The following ADGRV1 variants were observed in gnomAD, a reference collection of about 807,000 sequenced individuals.
The protein encoded by ADGRV1 is adhesion G protein-coupled receptor V1.
A neutral mutation model predicts 596.2 loss-of-function variants in ADGRV1; 359 were observed. The ratio of observed to expected loss-of-function variants is 0.60; its 90% CI spans 0.55 to 0.66. ADGRV1 has a LOEUF of 0.66. ADGRV1 is among the 30% of genes least tolerant of loss of function. ADGRV1 has a pLI of 0.00. For synonymous variants in ADGRV1, 2,681 were observed against 2,679.2 expected (o/e 1.00, Z -0.02); for missense variants, 7,274 against 7,575.6 (o/e 0.96, Z 1.48).
chr5:90,689,464 A>G (rs1746176013), intron 29 of ADGRV1, among the ~76,000 whole-genome samples: 1 of 150,874 alleles, frequency 6.6e-6, no homozygotes, highest in African/African-American at 2.4e-5. Flanking sequence ...ATATCTGTGC[A>G]GTGGTATAAT....
intron 88 of ADGRV1, among the ~76,000 whole-genome samples, chr5:91,152,093 G>A (rs1201747698): frequency 6.6e-6 from 1 of 152,210 alleles, no homozygotes; most frequent in Non-Finnish European, 1.5e-5. Flanking sequence ...TCACTTGGGT[G>A]TTGTGCAACA....
intron 83 of ADGRV1, among the ~76,000 whole-genome samples, chr5:90,877,259 T>C (rs1769304277): frequency 6.6e-6 from 1 of 152,052 alleles, no homozygotes; most frequent in Non-Finnish European, 1.5e-5. Flanking sequence ...GATTATGTTC[T>C]GTTTAGTTTG....
chr5:90,888,976 A>G (rs1364379585), intron 83 of ADGRV1, among the ~76,000 whole-genome samples: 1 of 152,142 alleles, frequency 6.6e-6, no homozygotes, highest in Non-Finnish European at 1.5e-5. Flanking sequence ...AATGCTGACT[A>G]TCAAATCTTG....
intron 85 of ADGRV1, among the ~76,000 whole-genome samples, chr5:91,035,493 A>T (rs1158737644): frequency 1.3e-5 from 2 of 152,160 alleles, no homozygotes; most frequent in Non-Finnish European, 2.9e-5. Flanking sequence ...CTTTGATATT[A>T]CTAACTTAGG....
intron 85 of ADGRV1, among the ~76,000 whole-genome samples, chr5:91,031,839 G>A (rs112725642): frequency 0.015 from 2,239 of 152,016 alleles, 51 homozygotes; most frequent in African/African-American, 0.051. Context: ...TAACTAATTG[G>A]GTTTCTTTTT....
chr5:90,694,308 G>A lies in ADGRV1; in HGVS notation c.7552G>A (p.Glu2518Lys). The A allele has an allele frequency of 3.7e-6, 6 of 1,613,956 alleles. No homozygotes were observed. Among genetic ancestry groups the A allele is most frequent in the Non-Finnish European group, 5.1e-6 (6 of 1,179,870 alleles). The change falls in exon 33 of 90, where the codon GAA becomes AAA. Residue 2518 changes from glutamate to lysine, a missense_variant. Glu to Lys is a moderately conservative substitution (Grantham distance 56). Around this residue, in one of 5 missense-constraint regions of ADGRV1, gnomAD observed 3,643 missense variants for 3,809.2 expected, o/e 0.96. Coordinates refer to ENST00000405460, the MANE Select transcript of ADGRV1 (RefSeq NM_032119.4). ...RQWAIMQEGD[E>K]FANLTVSILP... Reference sequence around the variant, plus strand: ...ATGGGCCATAATGCAGGAAGGTGATGAATTCGCAAATCTCACAGTGTCTAT... The same window carrying A: ...ATGGGCCATAATGCAGGAAGGTGATAAATTCGCAAATCTCACAGTGTCTAT...
intron 77 of ADGRV1, among the ~76,000 whole-genome samples, chr5:90,831,278 T>TACACACAC (rs899803255): frequency 6.0e-5 from 9 of 148,888 alleles, no homozygotes; most frequent in African/African-American, 2.3e-4. Context: ...TATACATATA[T>TACACACAC]ATACACACAC....
chr5:90,904,533 A>G (rs1418561142), intron 83 of ADGRV1, among the ~76,000 whole-genome samples: 2 of 152,060 alleles, frequency 1.3e-5, no homozygotes, highest in Non-Finnish European at 2.9e-5. Flanking sequence ...GCACCTTTTC[A>G]TATGCCTGTT....
At chr5:90,665,647 T>C (rs1359201886) in intron 21 of ADGRV1, among the ~76,000 whole-genome samples, 4 of 149,864 alleles carry the variant, frequency 2.7e-5, no homozygotes, top group African/African-American at 9.9e-5. Context: ...ATTTCTTGCC[T>C]TCTGCTTGCT....
chr5:90,795,243 T>C (rs1381083428), intron 70 of ADGRV1, among the ~76,000 whole-genome samples: 3 of 152,060 alleles, frequency 2.0e-5, no homozygotes, highest in Admixed American at 6.5e-5. Context: ...AACTAAGATC[T>C]ACTGGTTTGA....
At chr5:90,950,020 T>C (rs946550494) in intron 83 of ADGRV1, among the ~76,000 whole-genome samples, 2 of 152,308 alleles carry the variant, frequency 1.3e-5, no homozygotes, top group Admixed American at 1.3e-4. Context: ...ATCAGCATCT[T>C]AACAATTGAA....
At chr5:90,603,922 A>C in intron 1 of ADGRV1, among the ~76,000 whole-genome samples, 1 of 141,048 alleles carries the variant, frequency 7.1e-6, no homozygotes, top group African/African-American at 2.6e-5. Flanking sequence ...GCACGTACAC[A>C]CACATGCACG....
At position 90,811,928 on chromosome 5, in the gene ADGRV1, ATTT is replaced by A. The variant is rs57092908; in HGVS notation, c.16078+605_16078+607del. ...CAGTTTACCTCTGAAATCATACTGT[ATTT>A]TTTTTTTTTTTTTTGGAGATGGAGT... On this transcript the variant is annotated intron_variant, in intron 74 of 89. Coordinates refer to ENST00000405460, the MANE Select transcript of ADGRV1 (RefSeq NM_032119.4). Among the ~76,000 whole-genome samples, 203 of 132,560 alleles carry A rather than the reference ATTT, an allele frequency of 1.5e-3. 1 individual carries two copies. The East Asian group carries it at 0.036, about 24-fold the overall frequency. 87.0% of individuals were successfully genotyped at this position (132,560 alleles called of 152,430 possible). A position where few individuals can be genotyped will look rare whatever the true frequency, so the allele number is the denominator to read the frequency against.
intron 73 of ADGRV1, among the ~76,000 whole-genome samples, chr5:90,809,178 G>C (rs934056784): frequency 6.6e-6 from 1 of 151,400 alleles, no homozygotes. Context: ...GGATGGTCTC[G>C]ATCTCCTGAC....
At chr5:90,752,754 G>C (rs1755408691) in intron 53 of ADGRV1, among the ~76,000 whole-genome samples, 1 of 152,182 alleles carries the variant, frequency 6.6e-6, no homozygotes, top group South Asian at 2.1e-4. Flanking sequence ...GCATATGTAT[G>C]TTCATTGCAA....
At chr5:90,751,191 G>A (rs73772485) in intron 53 of ADGRV1, among the ~76,000 whole-genome samples, 5,091 of 152,248 alleles carry the variant, frequency 0.033, 131 homozygotes, top group South Asian at 0.13. Flanking sequence ...CTATGAGGAT[G>A]TGAGGAAGGT....
At chr5:91,020,089 CAT>C (rs3076326) in intron 85 of ADGRV1, among the ~76,000 whole-genome samples, 53,976 of 151,720 alleles carry the variant, frequency 0.36, 9,801 homozygotes, top group East Asian at 0.48. Context: ...ATAGTTACGG[CAT>C]ATTGGCTATG....
At chr5:90,915,352 T>A (rs1773253299) in intron 83 of ADGRV1, among the ~76,000 whole-genome samples, 1 of 152,188 alleles carries the variant, frequency 6.6e-6, no homozygotes, top group East Asian at 1.9e-4. Context: ...ATTTTGAGAT[T>A]TGTTGTGTAG....
chr5:90,863,805 T>C lies in ADGRV1; in HGVS notation c.17804T>C (p.Met5935Thr). The C allele has an allele frequency of 2.5e-6, 4 of 1,613,646 alleles. No individual in the cohort carries two copies. The highest frequency in any genetic ancestry group is 3.4e-6 in the Non-Finnish European group (4 of 1,179,624). The change falls in exon 83 of 90, where the codon ATG becomes ACG. Residue 5935 changes from methionine to threonine, a missense_variant. Around this residue, in one of 5 missense-constraint regions of ADGRV1, gnomAD observed 1,874 missense variants for 1,970.2 expected, o/e 0.95. Transcript: ENST00000405460. The stretch of plus-strand genomic sequence containing the variant: ...CATATCTTCTGTGCCAGGTACTCCA[T>C]GTTTGCAGCTAAACTTCTGACTCAC... ...LSHIFCARYS[M>T]FAAKLLTHMM...
Sources: allele counts gnomAD v4.1 joint callset (sites outside exome capture counted in the v4.1 genomes callset), GRCh38; gene constraint gnomAD v4.1.1; regional missense constraint gnomAD v4.1.1; transcripts MANE v1.5; gene names NCBI Gene and HGNC (gene_info 2026-07-23, HGNC 2026-07-21).